Variants in TSHZ2 observed in about 807,000 individuals in gnomAD.
The protein encoded by TSHZ2 is teashirt homolog 2.
TSHZ2 carries 21 observed loss-of-function variants against 74.4 expected under a neutral mutation model. The observed-to-expected ratio is 0.28, with a 90% CI of 0.20 to 0.41. The LOEUF (loss-of-function observed/expected upper bound fraction) is 0.41. Ranked by LOEUF, TSHZ2 falls within the 10% of genes least tolerant of loss-of-function variation. TSHZ2 has a pLI of 1.00. For missense variants in TSHZ2, 1,244 were observed against 1,293.5 expected (o/e 0.96, Z 0.59); for synonymous variants, 540 against 515.3 (o/e 1.05, Z -0.65).
At chr20:53,011,168 G>A (rs1216860218) in intron 1 of TSHZ2, among the ~76,000 whole-genome samples, 1 of 152,164 alleles carries the variant, frequency 6.6e-6, no homozygotes, top group Non-Finnish European at 1.5e-5. Context: ...GTCCTCAGAT[G>A]AGTTAATATT....
At chr20:53,346,599 C>A (rs1413356865) in intron 2 of TSHZ2, among the ~76,000 whole-genome samples, 1 of 152,200 alleles carries the variant, frequency 6.6e-6, no homozygotes, top group East Asian at 1.9e-4. Flanking sequence ...CTCCTGTTGA[C>A]CAAAACCCTA....
intron 1 of TSHZ2, among the ~76,000 whole-genome samples, chr20:53,213,579 GAGAGAA>G (rs1263260955): frequency 6.6e-6 from 1 of 152,152 alleles, no homozygotes; most frequent in African/African-American, 2.4e-5. Flanking sequence ...GAGACAGAGA[GAGAGAA>G]AGAGAGAGAG....
intron 1 of TSHZ2, among the ~76,000 whole-genome samples, chr20:53,026,935 C>A (rs1983467034): frequency 6.8e-6 from 1 of 146,642 alleles, no homozygotes; most frequent in Non-Finnish European, 1.5e-5. Flanking sequence ...CCCAGGGGTT[C>A]ATAAGTTATT....
At chr20:53,104,018 C>G (rs1469636335) in intron 1 of TSHZ2, among the ~76,000 whole-genome samples, 1 of 152,144 alleles carries the variant, frequency 6.6e-6, no homozygotes, top group Admixed American at 6.5e-5. Flanking sequence ...CTTAGACCCG[C>G]TTCAGCCAGT....
chr20:53,007,945 A>G (rs1385994830), intron 1 of TSHZ2, among the ~76,000 whole-genome samples: 1 of 152,164 alleles, frequency 6.6e-6, no homozygotes, highest in Non-Finnish European at 1.5e-5. Flanking sequence ...AATTTATATC[A>G]TTATAAATTA....
intron 2 of TSHZ2, among the ~76,000 whole-genome samples, chr20:53,258,219 TG>T (rs1490842557): frequency 2.0e-5 from 3 of 152,242 alleles, no homozygotes; most frequent in Non-Finnish European, 4.4e-5. Context: ...AAGCATGATT[TG>T]TTCAGCTCAC....
At chr20:53,206,248 A>G (rs1989165753) in intron 1 of TSHZ2, among the ~76,000 whole-genome samples, 3 of 152,186 alleles carry the variant, frequency 2.0e-5, no homozygotes, top group Non-Finnish European at 2.9e-5. Context: ...AATAATAAAT[A>G]AAGACACACA....
intron 1 of TSHZ2, among the ~76,000 whole-genome samples, chr20:53,146,305 G>A (rs75091799): frequency 0.016 from 2,423 of 152,214 alleles, 40 homozygotes; most frequent in Middle Eastern, 0.024. Context: ...TGGTGTGATG[G>A]ATGGTTTCAT....
chr20:53,259,734 A>C (rs1196069672), intron 2 of TSHZ2, among the ~76,000 whole-genome samples: 1 of 152,248 alleles, frequency 6.6e-6, no homozygotes, highest in Non-Finnish European at 1.5e-5. Flanking sequence ...GTCCAGTTAA[A>C]TGTGTATTTC....
At chr20:53,360,734 G>T (rs953431519) in intron 2 of TSHZ2, among the ~76,000 whole-genome samples, 4 of 152,192 alleles carry the variant, frequency 2.6e-5, no homozygotes, top group Non-Finnish European at 5.9e-5. Flanking sequence ...GGAAACCAGA[G>T]ATTAAGTATC....
At chr20:53,369,393 G>A (rs1329355806) in intron 2 of TSHZ2, among the ~76,000 whole-genome samples, 2 of 152,222 alleles carry the variant, frequency 1.3e-5, no homozygotes, top group Non-Finnish European at 2.9e-5. Flanking sequence ...ATGTTACAGG[G>A]AAAGGGAATA....
chr20:53,007,288 G>T (rs945004994), intron 1 of TSHZ2, among the ~76,000 whole-genome samples: 3 of 152,182 alleles, frequency 2.0e-5, no homozygotes, highest in Non-Finnish European at 4.4e-5. Flanking sequence ...ACAGAGGAAG[G>T]TTGGCACGAT....
At chr20:53,064,060 T>C (rs1432774313) in intron 1 of TSHZ2, among the ~76,000 whole-genome samples, 1 of 152,172 alleles carries the variant, frequency 6.6e-6, no homozygotes, top group Non-Finnish European at 1.5e-5. Flanking sequence ...GAGGGTTATT[T>C]GAGGCATTTA....
intron 1 of TSHZ2, among the ~76,000 whole-genome samples, chr20:53,048,800 T>C (rs534743642): frequency 3.3e-5 from 5 of 152,344 alleles, no homozygotes; most frequent in African/African-American, 9.6e-5. Flanking sequence ...GGGGTTCTAA[T>C]AGCTGCTCAC....
intron 1 of TSHZ2, among the ~76,000 whole-genome samples, chr20:53,191,303 T>G (rs1490996490): frequency 6.6e-6 from 1 of 152,196 alleles, no homozygotes; most frequent in Non-Finnish European, 1.5e-5. Context: ...CAGCCTCAAT[T>G]AAGCAATATT....
intron 2 of TSHZ2, among the ~76,000 whole-genome samples, chr20:53,459,175 T>A (rs187005007): frequency 4.7e-4 from 72 of 152,322 alleles, no homozygotes; most frequent in Non-Finnish European, 6.9e-4. Context: ...ACTCGCATTA[T>A]TAACGTGTGG....
chr20:53,080,769 C>T (rs917314512), intron 1 of TSHZ2, among the ~76,000 whole-genome samples: 4 of 152,128 alleles, frequency 2.6e-5, no homozygotes, highest in Admixed American at 6.6e-5. Context: ...GGACCTGTAC[C>T]GGCCCGCGGC....
chr20:53,132,787 C>T (rs1036248278), intron 1 of TSHZ2, among the ~76,000 whole-genome samples: 2 of 152,114 alleles, frequency 1.3e-5, no homozygotes, highest in African/African-American at 4.8e-5. Context: ...AGTCAATTAC[C>T]TGTGTACAGA....
At chr20:53,330,915 C>G (rs949923270) in intron 2 of TSHZ2, among the ~76,000 whole-genome samples, 1 of 152,212 alleles carries the variant, frequency 6.6e-6, no homozygotes, top group African/African-American at 2.4e-5. Context: ...GTATCATACA[C>G]TTTGCGTGGG....
Sources: allele counts gnomAD v4.1 joint callset (sites outside exome capture counted in the v4.1 genomes callset), GRCh38; gene constraint gnomAD v4.1.1; transcripts MANE v1.5; gene names NCBI Gene and HGNC (gene_info 2026-07-23, HGNC 2026-07-21).